The following NAALADL2 variants were observed in gnomAD, a reference collection of about 807,000 sequenced individuals.
The protein encoded by NAALADL2 is inactive N-acetylated-alpha-linked acidic dipeptidase-like protein 2.
Under a neutral mutation model 87.2 loss-of-function variants are expected in NAALADL2, and 76 were observed. That is an observed-to-expected ratio of 0.87 (90% CI 0.72 to 1.05). The LOEUF is 1.05. NAALADL2 is among the 50% of genes least tolerant of loss of function. The pLI is 0.00. For missense variants in NAALADL2, 1,089 were observed against 945.8 expected, an observed-to-expected ratio of 1.15 and a Z score of -1.99; for synonymous variants, 354 against 331.0, an observed-to-expected ratio of 1.07 and a Z score of -0.75.
chr3:175,225,459 T>G (rs1744015601), intron 2 of NAALADL2, among the ~76,000 whole-genome samples: 1 of 152,156 alleles, frequency 6.6e-6, no homozygotes, highest in South Asian at 2.1e-4. Flanking sequence ...GACTACTACC[T>G]GTCTTTTAAA....
chr3:174,549,452 A>G (rs1259943551), intron 1 of NAALADL2, among the ~76,000 whole-genome samples: 1 of 152,350 alleles, frequency 6.6e-6, no homozygotes, highest in Non-Finnish European at 1.5e-5. Context: ...TTGATATAAA[A>G]TCACCTGGTG....
intron 11 of NAALADL2, among the ~76,000 whole-genome samples, chr3:175,729,785 C>A (rs1481847412): frequency 7.7e-6 from 1 of 130,290 alleles, no homozygotes; most frequent in East Asian, 2.3e-4. Context: ...TTTTTTTTTT[C>A]ACATGCCACA....
chr3:175,145,021 C>T (rs1034976139), intron 2 of NAALADL2, among the ~76,000 whole-genome samples: 4 of 151,738 alleles, frequency 2.6e-5, no homozygotes, highest in African/African-American at 9.7e-5. Flanking sequence ...TTCCTCTTTC[C>T]TTGATTTGAT....
chr3:175,481,130 A>G (rs1387580467), intron 9 of NAALADL2, among the ~76,000 whole-genome samples: 2 of 151,960 alleles, frequency 1.3e-5, no homozygotes, highest in Non-Finnish European at 2.9e-5. Context: ...TCATTGGTAC[A>G]TAAGTGAATG....
At chr3:174,838,967 C>T (rs371597486) in intron 3 of NAALADL2, among the ~76,000 whole-genome samples, 1 of 152,118 alleles carries the variant, frequency 6.6e-6, no homozygotes, top group Non-Finnish European at 1.5e-5. Flanking sequence ...AACACCCCCA[C>T]CATTCTTCAC....
intron 3 of NAALADL2, among the ~76,000 whole-genome samples, chr3:174,815,830 GTTTTTTTT>G (rs10589968): frequency 6.9e-5 from 8 of 115,196 alleles, no homozygotes; most frequent in African/African-American, 1.7e-4. Context: ...TTTGACTTTA[GTTTTTTTT>G]TTTTTTTTTT....
At chr3:175,243,155 G>T (rs1019116143) in intron 3 of NAALADL2, among the ~76,000 whole-genome samples, 6 of 141,706 alleles carry the variant, frequency 4.2e-5, no homozygotes, top group African/African-American at 1.3e-4. Context: ...ACCACCTTTT[G>T]CCATTATCTC....
chr3:174,832,339 T>C (rs1722822454), intron 3 of NAALADL2, among the ~76,000 whole-genome samples: 1 of 152,200 alleles, frequency 6.6e-6, no homozygotes, highest in African/African-American at 2.4e-5. Context: ...AAAGAACATC[T>C]TTATTTCTGC....
At chr3:175,094,746 C>A (rs1385459224) in intron 1 of NAALADL2, among the ~76,000 whole-genome samples, 1 of 96,978 alleles carries the variant, frequency 1.0e-5, no homozygotes, top group African/African-American at 4.0e-5. Context: ...AAAAAAAGCA[C>A]CAGACACTAT....
chr3:175,346,166 C>A (rs1334369859), intron 5 of NAALADL2, among the ~76,000 whole-genome samples: 1 of 151,830 alleles, frequency 6.6e-6, no homozygotes, highest in Non-Finnish European at 1.5e-5. Flanking sequence ...GAAATATATT[C>A]ATTATAAAAA....
chr3:174,552,323 A>G (rs1327797798), intron 2 of NAALADL2, among the ~76,000 whole-genome samples: 1 of 152,196 alleles, frequency 6.6e-6, no homozygotes, highest in African/African-American at 2.4e-5. Flanking sequence ...TGAAGTAGAA[A>G]TGTGAACCTA....
rs374261970 is a variant in NAALADL2 at position 175,080,167 on chromosome 3, G to A, written c.44-16623G>A. 3.9e-5 allele frequency among the ~76,000 whole-genome samples: 6 copies of A among 152,110 alleles called. No individual in the cohort carries two copies. The South Asian group carries it at 8.3e-4, about 21-fold the overall frequency. On this transcript the variant is annotated intron_variant, in intron 1 of 13. Transcript: ENST00000454872. ...TTTTTAGTAGAGGCGGGTTTTCACC[G>A]TGTTAGCCAGGATGGTCTCGATCTC... is the stretch of plus-strand genomic sequence containing the variant.
intron 2 of NAALADL2, among the ~76,000 whole-genome samples, chr3:174,716,107 T>G (rs776325398): frequency 6.6e-6 from 1 of 152,196 alleles, no homozygotes; most frequent in Non-Finnish European, 1.5e-5. Flanking sequence ...ACTCATTCAC[T>G]TTTTATCTCA....
chr3:175,587,682 T>C lies in NAALADL2; in HGVS notation c.1800+11495T>C, dbSNP rs75727279. 2.0e-3 allele frequency among the ~76,000 whole-genome samples: 297 copies of C among 152,208 alleles called. 2 individuals carry two copies. Among genetic ancestry groups the C allele is most frequent in the African/African-American group, 6.8e-3 (284 of 41,546 alleles). ...CCGAGAATCCCATGCCCTAATGTGG[T>C]AAAAGAGGAAGTACTGGTCCCCAAG... On this transcript the variant is annotated intron_variant, in intron 10 of 13. Transcript: ENST00000454872.
At chr3:175,267,993 C>A (rs909351451) in intron 4 of NAALADL2, among the ~76,000 whole-genome samples, 19 of 152,056 alleles carry the variant, frequency 1.2e-4, no homozygotes, top group African/African-American at 4.6e-4. Context: ...TGTTTTGTAA[C>A]CATGGTAAGG....
At chr3:175,698,940 T>C (rs1488672778) in intron 11 of NAALADL2, among the ~76,000 whole-genome samples, 1 of 151,952 alleles carries the variant, frequency 6.6e-6, no homozygotes, top group Non-Finnish European at 1.5e-5. Flanking sequence ...CTAGCACTAA[T>C]TCAGTAATAT....
At chr3:174,453,357 C>T (rs1341463150) in intron 1 of NAALADL2, among the ~76,000 whole-genome samples, 2 of 124,988 alleles carry the variant, frequency 1.6e-5, no homozygotes, top group Non-Finnish European at 3.3e-5. Flanking sequence ...TTGGAAATCA[C>T]ATTTTGGGAT....
chr3:174,893,243 A>G (rs1393951312), intron 1 of NAALADL2, among the ~76,000 whole-genome samples: 1 of 152,136 alleles, frequency 6.6e-6, no homozygotes, highest in African/African-American at 2.4e-5. Flanking sequence ...GACTTTCCCA[A>G]ACAAAAGCAG....
At chr3:174,723,572 G>A (rs567244807) in intron 2 of NAALADL2, among the ~76,000 whole-genome samples, 1 of 152,008 alleles carries the variant, frequency 6.6e-6, no homozygotes, top group East Asian at 1.9e-4. Flanking sequence ...TGGCTAACAT[G>A]GTGAAACCCC....
Sources: allele counts gnomAD v4.1 joint callset (sites outside exome capture counted in the v4.1 genomes callset), GRCh38; gene constraint gnomAD v4.1.1; transcripts MANE v1.5; gene names NCBI Gene and HGNC (gene_info 2026-07-23, HGNC 2026-07-21).